PPP4R2: variants seen among roughly 807,000 people sequenced by gnomAD.
PPP4R2 encodes serine/threonine-protein phosphatase 4 regulatory subunit 2.
In PPP4R2, 13 loss-of-function variants were observed where a neutral mutation model predicts 47.2. The observed-to-expected ratio is 0.28, with a 90% confidence interval of 0.18 to 0.44. The LOEUF (loss-of-function observed/expected upper bound fraction) is 0.44. Ranked by LOEUF, PPP4R2 falls within the 20% of genes least tolerant of loss-of-function variation. The pLI is 1.00. For synonymous variants in PPP4R2, 151 were observed against 163.3 expected (o/e 0.92, Z 0.57); for missense variants, 421 against 491.2 (o/e 0.86, Z 1.35).
intron 3 of PPP4R2, among the ~76,000 whole-genome samples, chr3:73,054,810 A>G (rs1702695156): frequency 1.3e-5 from 2 of 152,212 alleles, no homozygotes; most frequent in Admixed American, 6.5e-5. Context: ...TGCCTTGTCA[A>G]CTTAGTACTT....
At chr3:73,021,604 G>A (rs1403314074) in intron 2 of PPP4R2, among the ~76,000 whole-genome samples, 1 of 151,884 alleles carries the variant, frequency 6.6e-6, no homozygotes, top group Non-Finnish European at 1.5e-5. Flanking sequence ...AAAAAATACT[G>A]GTGTGAATTT....
intron 3 of PPP4R2, among the ~76,000 whole-genome samples, chr3:73,051,520 C>T (rs1393365048): frequency 6.6e-6 from 1 of 152,032 alleles, no homozygotes; most frequent in Admixed American, 6.6e-5. Flanking sequence ...GTTGTTTTTG[C>T]TTTTAGTTTG....
At chr3:73,002,634 C>CTTTTTTCTT (rs1701498300) in intron 2 of PPP4R2, among the ~76,000 whole-genome samples, 3 of 41,164 alleles carry the variant, frequency 7.3e-5, no homozygotes, top group African/African-American at 3.5e-4. Context: ...CTTTTCTTTT[C>CTTTTTTCTT]TTTTTTTTTT....
chr3:73,022,358 G>C (rs568467684), intron 2 of PPP4R2, among the ~76,000 whole-genome samples: 4 of 151,994 alleles, frequency 2.6e-5, no homozygotes, highest in Non-Finnish European at 5.9e-5. Flanking sequence ...TAGGTTAGGG[G>C]CCTAAGACTG....
chr3:73,008,059 T>G (rs1245856330), intron 2 of PPP4R2, among the ~76,000 whole-genome samples: 3 of 73,688 alleles, frequency 4.1e-5, no homozygotes, highest in Non-Finnish European at 7.1e-5. Flanking sequence ...CCATAACCAC[T>G]GTGTTAATTT....
rs1245599779 is a variant in PPP4R2, at chr3:73,002,629, C to CTTT, written c.116+4473_116+4475dup. On this transcript the variant is annotated intron_variant, in intron 2 of 8. Coordinates refer to ENST00000356692, the MANE Select transcript of PPP4R2 (RefSeq NM_174907.4). ...TTTTTCTTTTCTTTTCTTTTCTTTT[C>CTTT]TTTTCTTTTTTTTTTTTTTTTTTTT... is the stretch of plus-strand genomic sequence containing the variant. Among the ~76,000 whole-genome samples the CTTT allele has an allele frequency of 1.5e-3, 127 of 82,924 alleles. 2 individuals are homozygous for CTTT. The highest frequency in any genetic ancestry group is 2.9e-3 in the African/African-American group (52 of 18,066). 54.4% of individuals were successfully genotyped at this position (82,924 alleles called of 152,430 possible). A position where few individuals can be genotyped will look rare whatever the true frequency, so the allele number is the denominator to read the frequency against.
intron 4 of PPP4R2, among the ~76,000 whole-genome samples, chr3:73,060,209 C>T (rs1479647612): frequency 6.6e-6 from 1 of 152,142 alleles, no homozygotes; most frequent in African/African-American, 2.4e-5. Flanking sequence ...TGTGGCCATA[C>T]TGGATTAATA....
intron 5 of PPP4R2, 51 bp from the exon 6 acceptor site, chr3:73,063,622 C>A (rs757327488): frequency 9.4e-6 from 10 of 1,065,658 alleles, no homozygotes; most frequent in South Asian, 1.3e-5. Flanking sequence ...GAGCCAGACT[C>A]CATCTAAAAA....
rs371333214 is a variant in PPP4R2 at position 73,063,361 on chromosome 3, C to T, written c.420-312C>T. 17 of 218,380 alleles carry T rather than the reference C, an allele frequency of 7.8e-5. No individual in the cohort carries two copies. The East Asian group carries it at 8.2e-4, about 11-fold the overall frequency. 13.5% of individuals were successfully genotyped at this position (218,380 alleles called of 1,614,324 possible). ...AAAAAGTCCAGGTGTGGTGGCTTAA[C>T]GCCTGTAATCCCAGCACTTTGGGAG... is the stretch of plus-strand genomic sequence containing the variant. On this transcript the variant is annotated intron_variant, in intron 5 of 8. Transcript: ENST00000356692.
At chr3:73,040,641 T>G (rs2637745) in intron 2 of PPP4R2, among the ~76,000 whole-genome samples, 2 of 151,640 alleles carry the variant, frequency 1.3e-5, no homozygotes, top group Admixed American at 6.6e-5. Flanking sequence ...GTAATTCCAG[T>G]AGCTGGAATT....
rs975178285 is a variant in PPP4R2, at chr3:73,002,927, C to T, written c.116+4769C>T. On this transcript the variant is annotated intron_variant, in intron 2 of 8. Transcript: ENST00000356692. ...AAAGTGCTGGGATTACAGGTGTGAA[C>T]CACTGCGCCTGGCCCAGGGTTTTTA... Among the ~76,000 whole-genome samples, 67 of 152,016 alleles carry T rather than the reference C, an allele frequency of 4.4e-4. 1 individual carries two copies. Among genetic ancestry groups the T allele is most frequent in the African/African-American group, 1.5e-3 (64 of 41,472 alleles).
intron 5 of PPP4R2, 53 bp from the exon 6 acceptor site, chr3:73,063,620 C>G: frequency 2.9e-6 from 3 of 1,045,796 alleles, no homozygotes; most frequent in Non-Finnish European, 4.5e-6. Context: ...CAGAGCCAGA[C>G]TCCATCTAAA....
Position 73,065,086 on chromosome 3 carries a change from T to G in PPP4R2, c.873T>G (p.Cys291Trp). The change falls in exon 8 of 9, where the codon TGT (cysteine) becomes TGG (tryptophan). Residue 291 changes from cysteine to tryptophan, a missense_variant. By Grantham distance (215) the Cys-to-Trp change is radical. Around this residue, in one of 2 missense-constraint regions of PPP4R2, gnomAD observed 317 missense variants for 287.5 expected, o/e 1.10. Transcript: ENST00000356692. ...SSQDKDKDSR[C>W]TRQHCTEEDE... ...AGGATAAAGACAAAGATAGCCGTTG[T>G]ACCCGGCAGCACTGTACAGAAGAGG... 1 of 1,614,066 alleles carries G rather than the reference T, an allele frequency of 6.2e-7. No individual in the cohort carries two copies. Among genetic ancestry groups the G allele is most frequent in the Non-Finnish European group, 8.5e-7 (1 of 1,179,932 alleles).
In PPP4R2 at chr3:73,032,835, T is replaced by C. The variant is rs934778380; in HGVS notation, c.117-14351T>C. ...ATATACGTTGTCTCTGTTAATGCTA[T>C]TTTTTTCATTTAATTTTCTGTATGC... On this transcript the variant is annotated intron_variant, in intron 2 of 8. Transcript: ENST00000356692. Among the ~76,000 whole-genome samples, 38 of 152,226 alleles carry C rather than the reference T, an allele frequency of 2.5e-4. 1 individual carries two copies. The highest frequency in any genetic ancestry group is 8.9e-4 in the African/African-American group (37 of 41,550).
intron 2 of PPP4R2, among the ~76,000 whole-genome samples, chr3:73,024,695 T>C (rs993035848): frequency 2.6e-5 from 4 of 152,196 alleles, no homozygotes; most frequent in African/African-American, 4.8e-5. Flanking sequence ...TTTGTTTTTT[T>C]CTTCACAGCT....
At chr3:73,032,744 C>G (rs1702191457) in intron 2 of PPP4R2, among the ~76,000 whole-genome samples, 1 of 152,172 alleles carries the variant, frequency 6.6e-6, no homozygotes, top group South Asian at 2.1e-4. Flanking sequence ...ACACAAACTT[C>G]CCACTTTAAC....
intron 2 of PPP4R2, among the ~76,000 whole-genome samples, chr3:73,021,932 T>A (rs1290363802): frequency 6.7e-6 from 1 of 149,712 alleles, no homozygotes; most frequent in Non-Finnish European, 1.5e-5. Flanking sequence ...AATCTCGCTC[T>A]GTTGTTCAGG....
rs372322806 is a variant in PPP4R2, at chr3:73,057,646, C to G, written c.288-1391C>G. On this transcript the variant is annotated intron_variant, in intron 3 of 8. Transcript: ENST00000356692. The stretch of plus-strand genomic sequence containing the variant: ...ATATGAATAACATGCACTTTAAGCA[C>G]TTTCAGAATTTTTTGCACATCTTAT... Among the ~76,000 whole-genome samples, 36 of 152,204 alleles carry G rather than the reference C, an allele frequency of 2.4e-4. 1 individual carries two copies. Among genetic ancestry groups the G allele is most frequent in the African/African-American group, 8.4e-4 (35 of 41,554 alleles).
intron 4 of PPP4R2, among the ~76,000 whole-genome samples, chr3:73,059,747 C>T (rs1702804599): frequency 6.6e-6 from 1 of 151,764 alleles, no homozygotes; most frequent in Non-Finnish European, 1.5e-5. Context: ...CCAGGCTGGC[C>T]AACATGGTGA....
Sources: gnomAD v4.1 joint callset for allele counts (sites outside exome capture counted in the v4.1 genomes callset) on GRCh38, gnomAD v4.1.1 for gene constraint, gnomAD v4.1.1 regional missense constraint, MANE v1.5 for transcripts, NCBI Gene and HGNC (gene_info 2026-07-23, HGNC 2026-07-21) for gene names.